NRG3: variants seen among roughly 807,000 people sequenced by gnomAD.
NRG3 encodes the protein pro-neuregulin-3, membrane-bound isoform.
NRG3 carries 31 observed loss-of-function variants against 66.9 expected under a neutral mutation model. The observed-to-expected ratio is 0.46, with a 90% CI of 0.35 to 0.63. The LOEUF (loss-of-function observed/expected upper bound fraction) is 0.63, where lower values mean the gene tolerates loss of function less well. Ranked by LOEUF, NRG3 falls within the 20% of genes least tolerant of loss-of-function variation. NRG3 has a pLI of 0.00. For synonymous variants in NRG3, 393 were observed against 359.4 expected, an observed-to-expected ratio of 1.09 and a Z score of -1.06; for missense variants, 910 against 878.9, an observed-to-expected ratio of 1.04 and a Z score of -0.45.
intron 1 of NRG3, among the ~76,000 whole-genome samples, chr10:82,187,619 G>A (rs954501556): frequency 6.6e-6 from 1 of 152,046 alleles, no homozygotes; most frequent in Non-Finnish European, 1.5e-5. Flanking sequence ...GCGGGGAAGA[G>A]GTTGAGAGAG....
chr10:82,782,665 G>C (rs114932233), intron 3 of NRG3, among the ~76,000 whole-genome samples: 3,249 of 152,036 alleles, frequency 0.021, 123 homozygotes, highest in African/African-American at 0.074. Flanking sequence ...ATCATGAATG[G>C]AGTGTTAAGG....
intron 3 of NRG3, among the ~76,000 whole-genome samples, chr10:82,859,952 T>G (rs910175225): frequency 1.4e-4 from 22 of 152,240 alleles, no homozygotes; most frequent in Admixed American, 1.2e-3. Flanking sequence ...TTTGTCTTGC[T>G]AGACAGGTAC....
intron 4 of NRG3, among the ~76,000 whole-genome samples, chr10:82,912,929 A>G (rs112624089): frequency 0.021 from 3,207 of 152,278 alleles, 129 homozygotes; most frequent in African/African-American, 0.073. Context: ...TAGATAACTT[A>G]TAAAAAGTAC....
intron 2 of NRG3, among the ~76,000 whole-genome samples, chr10:82,618,171 G>T (rs1429204400): frequency 6.6e-6 from 1 of 152,136 alleles, no homozygotes; most frequent in Non-Finnish European, 1.5e-5. Flanking sequence ...ATTTGTCTTT[G>T]ACTTTGGCAG....
chr10:82,194,704 C>T (rs1274723900), intron 1 of NRG3, among the ~76,000 whole-genome samples: 2 of 152,008 alleles, frequency 1.3e-5, no homozygotes, highest in African/African-American at 2.4e-5. Flanking sequence ...CTCTGCCTAC[C>T]AAAGTTTGAC....
intron 2 of NRG3, among the ~76,000 whole-genome samples, chr10:82,578,584 G>A (rs1301938551): frequency 6.6e-6 from 1 of 151,556 alleles, no homozygotes; most frequent in East Asian, 2.0e-4. Flanking sequence ...GCAAATGGAG[G>A]TTCTGAGAAT....
intron 1 of NRG3, among the ~76,000 whole-genome samples, chr10:82,251,912 A>G (rs1253507031): frequency 7.1e-6 from 1 of 141,298 alleles, no homozygotes; most frequent in Non-Finnish European, 1.5e-5. Context: ...TGGCTCCAAA[A>G]GAAGGCCCCT....
chr10:82,011,330 G>A (rs183783117), intron 1 of NRG3, among the ~76,000 whole-genome samples: 6 of 152,186 alleles, frequency 3.9e-5, no homozygotes, highest in East Asian at 1.9e-4. Context: ...GGACACCCAC[G>A]CAGCGATTAA....
intron 2 of NRG3, among the ~76,000 whole-genome samples, chr10:82,646,570 C>T (rs779623640): frequency 6.6e-6 from 1 of 152,092 alleles, no homozygotes; most frequent in South Asian, 2.1e-4. Context: ...CGAAGACAAA[C>T]AAAGCTAGAT....
chr10:82,529,524 G>T (rs995882550), intron 2 of NRG3, among the ~76,000 whole-genome samples: 2 of 152,154 alleles, frequency 1.3e-5, no homozygotes, highest in African/African-American at 2.4e-5. Context: ...TATTTAGTTT[G>T]TTGTTTGGCA....
intron 4 of NRG3, among the ~76,000 whole-genome samples, chr10:82,892,226 G>C (rs1194204146): frequency 6.6e-6 from 1 of 152,064 alleles, no homozygotes; most frequent in Admixed American, 6.6e-5. Context: ...AGGAAATAGA[G>C]ATGTTGAGTA....
chr10:82,235,265 A>T (rs2076698939), intron 1 of NRG3, among the ~76,000 whole-genome samples: 2 of 152,200 alleles, frequency 1.3e-5, no homozygotes, highest in Admixed American at 1.3e-4. Flanking sequence ...GAGTTGATGG[A>T]TATTGATGGT....
chr10:82,957,992 G>T (rs1190797057), intron 5 of NRG3, among the ~76,000 whole-genome samples: 2 of 152,012 alleles, frequency 1.3e-5, no homozygotes, highest in Non-Finnish European at 2.9e-5. Context: ...GGACAGAGCT[G>T]CTGCTAAGGC....
chr10:82,157,875 A>G (rs1016178413), intron 1 of NRG3, among the ~76,000 whole-genome samples: 4 of 151,726 alleles, frequency 2.6e-5, no homozygotes, highest in African/African-American at 9.7e-5. Context: ...GTATGTTTCA[A>G]GTGTTTTAAG....
At chr10:82,124,218 T>C (rs1404705488) in intron 1 of NRG3, among the ~76,000 whole-genome samples, 1 of 151,960 alleles carries the variant, frequency 6.6e-6, no homozygotes, top group African/African-American at 2.4e-5. Context: ...AGAATTGGCT[T>C]TCGAACTGAT....
chr10:81,923,609 A>G (rs1253369535), intron 1 of NRG3, among the ~76,000 whole-genome samples: 1 of 151,952 alleles, frequency 6.6e-6, no homozygotes, highest in African/African-American at 2.4e-5. Context: ...ATTTTCCCAC[A>G]CTCCTAAGAG....
intron 2 of NRG3, among the ~76,000 whole-genome samples, chr10:82,712,925 C>A (rs150524847): frequency 4.6e-5 from 7 of 151,726 alleles, no homozygotes; most frequent in African/African-American, 1.7e-4. Flanking sequence ...TTTATGACCA[C>A]CCCAGCCAGC....
intron 2 of NRG3, among the ~76,000 whole-genome samples, chr10:82,527,784 G>A (rs1436485191): frequency 2.0e-5 from 3 of 151,996 alleles, no homozygotes; most frequent in Non-Finnish European, 4.4e-5. Context: ...GAGCTCTTTT[G>A]TTTCTTTACC....
At chr10:82,444,299 C>T (rs780965065) in intron 2 of NRG3, among the ~76,000 whole-genome samples, 1 of 152,102 alleles carries the variant, frequency 6.6e-6, no homozygotes, top group Non-Finnish European at 1.5e-5. Context: ...GACGGGGTTT[C>T]ACCATGTTGA....
Sources: allele counts gnomAD v4.1 joint callset (sites outside exome capture counted in the v4.1 genomes callset), GRCh38; gene constraint gnomAD v4.1.1; transcripts MANE v1.5; gene names NCBI Gene and HGNC (gene_info 2026-07-23, HGNC 2026-07-21).